The following PRPF4 variants were observed in gnomAD, a reference collection of about 807,000 sequenced individuals.
PRPF4 encodes pre-mRNA splicing tri-snRNP complex factor PRPF4.
PRPF4 carries 14 observed loss-of-function variants against 72.2 expected under a neutral mutation model. That is an observed-to-expected ratio of 0.19 (90% confidence interval 0.13 to 0.30). The LOEUF is 0.30. PRPF4 is among the 10% of genes least tolerant of loss of function. PRPF4 has a pLI of 1.00. For synonymous variants in PRPF4, 225 were observed against 232.2 expected (o/e 0.97, Z 0.28); for missense variants, 478 against 653.9 (o/e 0.73, Z 2.93).
chr9:113,277,363 T>G (rs1226200179), intron 2 of PRPF4, among the ~76,000 whole-genome samples: 1 of 151,660 alleles, frequency 6.6e-6, no homozygotes, highest in Non-Finnish European at 1.5e-5. Context: ...TTGTAATTAT[T>G]TTTTACCCAA....
chr9:113,275,842 G>T, intron 1 of PRPF4, 72 bp downstream of exon 1: 1 of 1,586,664 alleles, frequency 6.3e-7, no homozygotes, highest in Non-Finnish European at 8.6e-7. Context: ...GCGGGAAGGG[G>T]CCGTTAAGGA....
chr9:113,286,633 T>G, intron 8 of PRPF4, 72 bp from the exon 9 acceptor site: 1 of 1,567,288 alleles, frequency 6.4e-7, no homozygotes, highest in Admixed American at 1.7e-5. Flanking sequence ...TATGTCCACA[T>G]GTTCCCTAGT....
chr9:113,279,784 G>C (rs1181650621), intron 3 of PRPF4, among the ~76,000 whole-genome samples: 2 of 152,144 alleles, frequency 1.3e-5, no homozygotes, highest in African/African-American at 4.8e-5. Flanking sequence ...TTGTTGTTGG[G>C]CTTTGAAAAT....
chr9:113,291,378 A>G, intron 13 of PRPF4, 89 bp from the exon 14 acceptor site: 1 of 1,353,904 alleles, frequency 7.4e-7, no homozygotes, highest in South Asian at 1.4e-5. Flanking sequence ...TTTTTTTAAA[A>G]ATAGTATGTT....
At chr9:113,288,787 C>T (rs12342197) in intron 10 of PRPF4, among the ~76,000 whole-genome samples, 1 of 152,086 alleles carries the variant, frequency 6.6e-6, no homozygotes, top group East Asian at 1.9e-4. Flanking sequence ...TTACAAATTA[C>T]CAGAAAACAA....
intron 2 of PRPF4, among the ~76,000 whole-genome samples, chr9:113,277,980 CAA>C (rs543381831): frequency 6.8e-6 from 1 of 146,470 alleles, no homozygotes; most frequent in Non-Finnish European, 1.5e-5. Flanking sequence ...GACCCTGTCT[CAA>C]AAAAAAAAGT....
chr9:113,282,968 T>C, intron 4 of PRPF4, 164 bp from the exon 5 acceptor site: 2 of 1,294,566 alleles, frequency 1.5e-6, no homozygotes, highest in Non-Finnish European at 2.1e-6. Context: ...AACCATGTAG[T>C]TACATATCAT....
chr9:113,290,599 T>A lies in PRPF4; in HGVS notation c.1145+11T>A, dbSNP rs1832579185. 3 of 1,614,058 alleles carry A rather than the reference T, an allele frequency of 1.9e-6. No individual in the cohort carries two copies. The Admixed American group carries it at 5.0e-5, about 27-fold the overall frequency. ...TTTGGCTGGCACTGGGTAAGGCTTC[T>A]CCCATGTAGTCAGGGGCAGTTCAGT... On this transcript the variant is annotated intron_variant, in intron 11 of 13. Transcript: ENST00000374198.
chr9:113,290,675 G>T, intron 11 of PRPF4, 25 bp from the exon 12 acceptor site: 1 of 1,614,080 alleles, frequency 6.2e-7, no homozygotes, highest in East Asian at 2.2e-5. Context: ...GATTCAAAGT[G>T]TTCATTTCTA....
intron 7 of PRPF4, among the ~76,000 whole-genome samples, chr9:113,285,343 A>ATTTTTTTTTTTTTTTTTTTTTTTTT (rs71367713): frequency 1.5e-5 from 1 of 67,508 alleles, no homozygotes; most frequent in African/African-American, 5.6e-5. Context: ...GTCTCTACAA[A>ATTTTTTTTTTTTTTTTTTTTTTTTT]TTTTTTTTTT....
At chr9:113,279,465 GCGATTTT>G (rs1832211111) in intron 3 of PRPF4, among the ~76,000 whole-genome samples, 1 of 152,176 alleles carries the variant, frequency 6.6e-6, no homozygotes. Flanking sequence ...CCGGGTTCAA[GCGATTTT>G]CCTGCCTCAG....
intron 8 of PRPF4, 87 bp downstream of exon 8, chr9:113,286,377 T>A: frequency 8.2e-7 from 1 of 1,213,490 alleles, no homozygotes; most frequent in Non-Finnish European, 1.2e-6. Context: ...TCAGACCCCA[T>A]ACACACAGCA....
At chr9:113,291,182 A>G (rs1325198795) in intron 13 of PRPF4, among the ~76,000 whole-genome samples, 166 bp downstream of exon 13, 1 of 152,178 alleles carries the variant, frequency 6.6e-6, no homozygotes, top group East Asian at 1.9e-4. Flanking sequence ...ATACCCTTAG[A>G]TCTGTGGGAA....
chr9:113,283,189 A>G lies in PRPF4; in HGVS notation c.538A>G (p.Ile180Val), dbSNP rs911972517. The change falls in exon 5 of 14, where the codon ATT becomes GTT. Residue 180 changes from isoleucine (I) to valine (V), a missense_variant. Ile to Val is a conservative substitution (Grantham distance 29). Transcript: ENST00000374198. ...PNSLKVARLWIANYSLPRAMK... is the reference protein window; with the variant it reads ...PNSLKVARLWVANYSLPRAMK... ...TAGCTTGAAGGTGGCAAGACTATGGATTGCTAATTATTCGTTGCCCAGGTA... is the reference window on the plus strand; with the variant it reads ...TAGCTTGAAGGTGGCAAGACTATGGGTTGCTAATTATTCGTTGCCCAGGTA... 1 of 1,614,238 alleles carries G rather than the reference A, an allele frequency of 6.2e-7. No individual in the cohort carries two copies.
chr9:113,291,841 A>G lies in PRPF4; in HGVS notation c.*181A>G. Reference sequence around the variant, plus strand: ...AGGAAGGCAGCCCAATCCCTAGGTGATGGGGAACCCCTCTCACGGTTGAAA... The same window carrying G: ...AGGAAGGCAGCCCAATCCCTAGGTGGTGGGGAACCCCTCTCACGGTTGAAA... On this transcript the variant is annotated 3_prime_UTR_variant, in exon 14 of 14. Coordinates refer to ENST00000374198, the MANE Select transcript of PRPF4 (RefSeq NM_001244926.2). 1.7e-6 allele frequency: 1 copy of G among 598,956 alleles called. No individual in the cohort carries two copies. The highest frequency in any genetic ancestry group is 2.9e-6 in the Non-Finnish European group (1 of 350,010). 37.1% of individuals were successfully genotyped at this position (598,956 alleles called of 1,614,324 possible).
At position 113,292,374 on chromosome 9, in the gene PRPF4, T is replaced by C. The variant is rs551237681; in HGVS notation, c.*714T>C. The C allele has an allele frequency of 6.6e-6, 1 of 152,254 alleles. No individual in the cohort carries two copies. The highest frequency in any genetic ancestry group is 2.1e-4 in the South Asian group (1 of 4,822). The allele number at this position is 152,254 out of a possible 1,614,324, so 9.4% of individuals were successfully genotyped here. On this transcript the variant is annotated 3_prime_UTR_variant, in exon 14 of 14. Coordinates refer to ENST00000374198, the MANE Select transcript of PRPF4 (RefSeq NM_001244926.2). Reference sequence around the variant, plus strand: ...AGAGAGCAAGGTGGCTGAACTATAGTCTGGAAGCCCTCAGGTAAAGAGGCA... The same window carrying C: ...AGAGAGCAAGGTGGCTGAACTATAGCCTGGAAGCCCTCAGGTAAAGAGGCA...
At chr9:113,283,519 G>T (rs373310089) in intron 6 of PRPF4, 37 bp downstream of exon 6, 4 of 1,604,776 alleles carry the variant, frequency 2.5e-6, no homozygotes, top group Non-Finnish European at 3.4e-6. Flanking sequence ...CATCTTAAAG[G>T]TTCTTCATGT....
chr9:113,279,115 G>A lies in PRPF4; in HGVS notation c.376G>A (p.Ala126Thr), dbSNP rs764518267. The stretch of plus-strand genomic sequence containing the variant: ...CATCACACTTTTTGGAGAGGGTCCT[G>A]CTGAAAGAAGAGAAAGGTTGCCTTT... ...EPITLFGEGP[A>T]ERRERLRNIL... is the part of the protein sequence containing the mutation. Residue 126 changes from alanine to threonine, a missense_variant, in exon 3 of 14, where the codon GCT becomes ACT. Physicochemically the swap from Ala to Thr is moderately conservative, Grantham distance 58. Transcript: ENST00000374198. The A allele has an allele frequency of 6.2e-7, 1 of 1,609,928 alleles. No individual in the cohort carries two copies. The highest frequency in any genetic ancestry group is 8.5e-7 in the Non-Finnish European group (1 of 1,178,214).
chr9:113,275,775 A>G lies in PRPF4; in HGVS notation c.27+5A>G, dbSNP rs1220082560. The G allele has an allele frequency of 6.8e-6, 11 of 1,612,222 alleles. No homozygotes were observed. Among genetic ancestry groups the G allele is most frequent in the Non-Finnish European group, 9.3e-6 (11 of 1,179,150 alleles). On this transcript the variant is annotated splice_donor_5th_base_variant and intron_variant, in intron 1 of 13. Transcript: ENST00000374198. ...TCCTCGCGAGCCTCTTCCACGGTAC[A>G]GAGCCCGGGATCCCAGCTCACTCTG...
Sources: gnomAD v4.1 joint callset for allele counts (sites outside exome capture counted in the v4.1 genomes callset) on GRCh38, gnomAD v4.1.1 for gene constraint, MANE v1.5 for transcripts, NCBI Gene and HGNC (gene_info 2026-07-23, HGNC 2026-07-21) for gene names.